The following MIA2 variants were observed in gnomAD, a reference collection of about 807,000 sequenced individuals.
MIA2 encodes the protein melanoma inhibitory activity protein 2.
MIA2 carries 127 observed loss-of-function variants against 167.8 expected under a neutral mutation model. The observed-to-expected ratio is 0.76, with a 90% CI of 0.66 to 0.88. The LOEUF (loss-of-function observed/expected upper bound fraction) is 0.88. MIA2 is among the 40% of genes least tolerant of loss of function. The probability of loss-of-function intolerance (pLI) is 0.00; values close to 1 mark genes in which losing one functional copy is unlikely to be tolerated. For missense variants in MIA2, 1,690 were observed against 1,624.7 expected (o/e 1.04, Z -0.69); for synonymous variants, 552 against 541.9 (o/e 1.02, Z -0.26).
chr14:39,285,399 G>A lies in MIA2; in HGVS notation c.2131-5620G>A, dbSNP rs1469923228. Among the ~76,000 whole-genome samples, 16 of 144,704 alleles carry A rather than the reference G, an allele frequency of 1.1e-4. 2 individuals carry two copies. The highest frequency in any genetic ancestry group is 6.1e-5 in the Non-Finnish European group (4 of 66,074). The allele number at this position is 144,704 out of a possible 152,430, so 94.9% of individuals were successfully genotyped here. A position where few individuals can be genotyped will look rare whatever the true frequency, so the allele number is the denominator to read the frequency against. On this transcript the variant is annotated intron_variant, in intron 9 of 28. Transcript: ENST00000640607. ...GGGGGCTGCCCCCCACCTCCCTCCC[G>A]GAAGGGGCGGCTGGCCGGGCGGGGG... is the stretch of plus-strand genomic sequence containing the variant.
chr14:39,364,848 A>G (rs1224986473), intron 23 of MIA2, among the ~76,000 whole-genome samples: 2 of 107,720 alleles, frequency 1.9e-5, no homozygotes, highest in Non-Finnish European at 3.6e-5. Flanking sequence ...CCTTTTATGT[A>G]ACTAGATTTT....
intron 6 of MIA2, among the ~76,000 whole-genome samples, chr14:39,254,837 C>T (rs1454331907): frequency 2.0e-5 from 3 of 152,120 alleles, no homozygotes; most frequent in Non-Finnish European, 2.9e-5. Flanking sequence ...GTCTAACATC[C>T]GATGGTGGCA....
At chr14:39,313,862 G>T (rs1050017650) in intron 19 of MIA2, among the ~76,000 whole-genome samples, 15 of 152,064 alleles carry the variant, frequency 9.9e-5, no homozygotes, top group African/African-American at 2.4e-4. Flanking sequence ...GTATTTAAAA[G>T]ACTATAAATC....
At chr14:39,325,601 T>C (rs1287427524) in intron 24 of MIA2, among the ~76,000 whole-genome samples, 1 of 151,712 alleles carries the variant, frequency 6.6e-6, no homozygotes, top group East Asian at 1.9e-4. Flanking sequence ...TCTCCTGACC[T>C]TGTGACCCGC....
intron 9 of MIA2, among the ~76,000 whole-genome samples, chr14:39,282,461 C>T (rs2059090129): frequency 6.6e-6 from 1 of 152,096 alleles, no homozygotes; most frequent in South Asian, 2.1e-4. Context: ...CCTGCCCACC[C>T]CTCCAGGGCA....
chr14:39,292,062 A>G (rs1177547583), intron 10 of MIA2, among the ~76,000 whole-genome samples: 11 of 152,240 alleles, frequency 7.2e-5, no homozygotes, highest in African/African-American at 2.2e-4. Flanking sequence ...AAAGGAAGTT[A>G]TAAATTGGAT....
At chr14:39,292,244 AAGT>A (rs768228568) in intron 10 of MIA2, among the ~76,000 whole-genome samples, 9 of 152,198 alleles carry the variant, frequency 5.9e-5, no homozygotes, top group Non-Finnish European at 8.8e-5. Flanking sequence ...GAAGAGCAAA[AAGT>A]AGGTAGCAAA....
intron 10 of MIA2, among the ~76,000 whole-genome samples, 155 bp from the exon 11 acceptor site, chr14:39,293,116 A>G (rs2060952733): frequency 6.6e-6 from 1 of 152,238 alleles, no homozygotes; most frequent in South Asian, 2.1e-4. Context: ...TTTGCTGACC[A>G]CTGCTACAAT....
intron 6 of MIA2, among the ~76,000 whole-genome samples, chr14:39,272,032 A>C (rs1480588125): frequency 6.6e-6 from 1 of 152,068 alleles, no homozygotes; most frequent in East Asian, 2.0e-4. Context: ...CAAAGACACC[A>C]CTTAGAGGTG....
chr14:39,250,436 C>T (rs984662157), intron 4 of MIA2, among the ~76,000 whole-genome samples: 1 of 151,968 alleles, frequency 6.6e-6, no homozygotes, highest in African/African-American at 2.4e-5. Flanking sequence ...TGGCTCATGC[C>T]TGTAATCCTA....
intron 23 of MIA2, 79 bp downstream of exon 23, chr14:39,319,370 G>C (rs1402492132): frequency 1.5e-6 from 1 of 663,340 alleles, no homozygotes. Context: ...GTTTCTATTA[G>C]TGTAAGTTAA....
At chr14:39,341,767 T>A (rs1458214141) in intron 25 of MIA2, among the ~76,000 whole-genome samples, 1 of 152,176 alleles carries the variant, frequency 6.6e-6, no homozygotes. Flanking sequence ...AGTTTGAAAT[T>A]TATGGTCATA....
rs568414868 is a variant in MIA2 at position 39,255,986 on chromosome 14, T to C, written c.1887+2815T>C. Among the ~76,000 whole-genome samples, 198 of 152,354 alleles carry C rather than the reference T, an allele frequency of 1.3e-3. 1 individual carries two copies. Among genetic ancestry groups the C allele is most frequent in the Middle Eastern group, 0.01 (3 of 294 alleles). ...AAGCTGAGATGAGATCACAGGCTGC[T>C]GGTCAAAACTGGCTTTGTATTGTCT... On this transcript the variant is annotated intron_variant, in intron 6 of 28. Coordinates refer to ENST00000640607, the MANE Select transcript of MIA2 (RefSeq NM_001329214.4).
At chr14:39,373,306 CA>C (rs34602556) in intron 23 of MIA2, among the ~76,000 whole-genome samples, 36,484 of 110,800 alleles carry the variant, frequency 0.33, 4,534 homozygotes, top group East Asian at 0.52. Context: ...AATTCTTGGC[CA>C]AAAAAAAAAA....
At chr14:39,364,816 G>A (rs1037389858) in intron 23 of MIA2, among the ~76,000 whole-genome samples, 2 of 151,146 alleles carry the variant, frequency 1.3e-5, no homozygotes, top group African/African-American at 4.9e-5. Flanking sequence ...TGAGAAATCT[G>A]TGGTTATTTT....
At chr14:39,375,461 C>T (rs979133058) in intron 23 of MIA2, among the ~76,000 whole-genome samples, 2 of 152,076 alleles carry the variant, frequency 1.3e-5, no homozygotes, top group East Asian at 1.9e-4. Flanking sequence ...TTTGGGAGGA[C>T]GAGGCAGACG....
intron 9 of MIA2, among the ~76,000 whole-genome samples, chr14:39,283,382 G>A (rs773738359): frequency 1.3e-5 from 2 of 152,150 alleles, no homozygotes; most frequent in Non-Finnish European, 2.9e-5. Context: ...CAATGTCCTT[G>A]ATAGATGGTT....
intron 25 of MIA2, among the ~76,000 whole-genome samples, chr14:39,337,061 G>A (rs1396560367): frequency 1.3e-5 from 2 of 152,104 alleles, no homozygotes; most frequent in Middle Eastern, 3.2e-3. Context: ...CTGGCTTTTA[G>A]TGTGATTTTT....
chr14:39,382,948 CCA>C (rs2075197426), intron 23 of MIA2, among the ~76,000 whole-genome samples: 1 of 140,712 alleles, frequency 7.1e-6, no homozygotes, highest in South Asian at 2.3e-4. Flanking sequence ...TCTGCTATGG[CCA>C]CAGTTTTTTT....
Sources: allele counts gnomAD v4.1 joint callset (sites outside exome capture counted in the v4.1 genomes callset), GRCh38; gene constraint gnomAD v4.1.1; transcripts MANE v1.5; gene names NCBI Gene and HGNC (gene_info 2026-07-23, HGNC 2026-07-21).